AGBL4: variants seen among roughly 807,000 people sequenced by gnomAD.
AGBL4 encodes AGBL carboxypeptidase 4.
A neutral mutation model predicts 66.4 loss-of-function variants in AGBL4; 58 were observed. That is an observed-to-expected ratio of 0.87 (90% CI 0.71 to 1.09). AGBL4 has a LOEUF of 1.09. Among genes scored for constraint, AGBL4 ranks in the 50% least tolerant of loss-of-function variants. The pLI, the probability that AGBL4 is intolerant of heterozygous loss-of-function variation, is 0.00. For missense variants in AGBL4, 579 were observed against 631.0 expected, an observed-to-expected ratio of 0.92 and a Z score of 0.88; for synonymous variants, 234 against 222.9, an observed-to-expected ratio of 1.05 and a Z score of -0.44.
chr1:49,773,122 CG>C (rs1644108031), intron 2 of AGBL4, among the ~76,000 whole-genome samples: 2 of 152,038 alleles, frequency 1.3e-5, no homozygotes, highest in Admixed American at 6.6e-5. Context: ...ACATTGTTGA[CG>C]GTCTCCATTG....
rs1655954949 is a variant in AGBL4, at chr1:49,950,024, G to GTATATATATATACACACACACACACATA, written c.34+73738_34+73739insTATGTGTGTGTGTGTGTATATATATATA. Among the ~76,000 whole-genome samples, 5 of 86,040 alleles carry GTATATATATATACACACACACACACATA rather than the reference G, an allele frequency of 5.8e-5. 1 individual carries two copies. The highest frequency in any genetic ancestry group is 4.6e-4 in the South Asian group (1 of 2,164). The allele number at this position is 86,040 out of a possible 152,430, so 56.4% of individuals were successfully genotyped here. ...TATATATATATACACACACATATGTGTGTGTGTGTATATATATACACATAT... is the reference window on the plus strand; with the variant it reads ...TATATATATATACACACACATATGTGTATATATATATACACACACACACACATATGTGTGTGTATATATATACACATAT... On this transcript the variant is annotated intron_variant, in intron 1 of 13. Transcript: ENST00000371839.
intron 6 of AGBL4, among the ~76,000 whole-genome samples, chr1:48,671,184 A>G (rs1490378467): frequency 6.6e-6 from 1 of 152,260 alleles, no homozygotes; most frequent in African/African-American, 2.4e-5. Flanking sequence ...TGAGCAGTGC[A>G]TGCAGCATCT....
intron 3 of AGBL4, among the ~76,000 whole-genome samples, chr1:49,613,083 C>G (rs541303727): frequency 6.6e-6 from 1 of 152,248 alleles, no homozygotes; most frequent in East Asian, 1.9e-4. Context: ...TCTGCAGCAA[C>G]ATGGATGCAG....
At chr1:49,488,782 A>G (rs1311921753) in intron 3 of AGBL4, among the ~76,000 whole-genome samples, 1 of 151,886 alleles carries the variant, frequency 6.6e-6, no homozygotes, top group African/African-American at 2.4e-5. Flanking sequence ...TCCACAAATA[A>G]GTGAGAACAT....
At chr1:48,788,063 A>C (rs956380841) in intron 6 of AGBL4, among the ~76,000 whole-genome samples, 66 of 152,348 alleles carry the variant, frequency 4.3e-4, no homozygotes, top group African/African-American at 1.6e-3. Context: ...TTTTGGGCTC[A>C]ATTACTGCTT....
At chr1:48,676,519 G>T (rs984445064) in intron 6 of AGBL4, among the ~76,000 whole-genome samples, 1 of 152,244 alleles carries the variant, frequency 6.6e-6, no homozygotes, top group South Asian at 2.1e-4. Flanking sequence ...AAATGAGGTT[G>T]TATTTGTAAA....
At chr1:48,994,751 T>C (rs899931021) in intron 5 of AGBL4, among the ~76,000 whole-genome samples, 2 of 152,058 alleles carry the variant, frequency 1.3e-5, no homozygotes, top group Non-Finnish European at 2.9e-5. Context: ...TTATAGCATA[T>C]GGTTTATATA....
intron 6 of AGBL4, among the ~76,000 whole-genome samples, chr1:48,691,209 T>C (rs1646626770): frequency 6.7e-6 from 1 of 148,982 alleles, no homozygotes; most frequent in Non-Finnish European, 1.5e-5. Context: ...ATATTACATA[T>C]ATAGAAAATT....
intron 3 of AGBL4, among the ~76,000 whole-genome samples, chr1:49,596,341 T>A (rs1208096727): frequency 6.6e-6 from 1 of 152,152 alleles, no homozygotes; most frequent in Non-Finnish European, 1.5e-5. Flanking sequence ...AATTGATTCT[T>A]GTATTTTTTG....
chr1:49,171,435 C>G (rs960212551), intron 4 of AGBL4, among the ~76,000 whole-genome samples: 1 of 152,178 alleles, frequency 6.6e-6, no homozygotes, highest in Non-Finnish European at 1.5e-5. Context: ...CCAACCAAAA[C>G]ACTTCAGTTC....
chr1:48,718,540 T>C (rs1417081791), intron 6 of AGBL4, among the ~76,000 whole-genome samples: 1 of 152,124 alleles, frequency 6.6e-6, no homozygotes, highest in Non-Finnish European at 1.5e-5. Context: ...ATTCTTCATA[T>C]CCAGGGCCAG....
chr1:49,888,490 T>C (rs1395894471), intron 1 of AGBL4, among the ~76,000 whole-genome samples: 1 of 152,072 alleles, frequency 6.6e-6, no homozygotes, highest in African/African-American at 2.4e-5. Context: ...TTAGTGACAA[T>C]AACAAATTTG....
chr1:48,919,300 C>T (rs1465239818), intron 5 of AGBL4, among the ~76,000 whole-genome samples: 1 of 152,150 alleles, frequency 6.6e-6, no homozygotes, highest in Non-Finnish European at 1.5e-5. Context: ...GTTAAGGCTC[C>T]ATGGACCACA....
chr1:49,511,892 G>C (rs1482898165), intron 3 of AGBL4, among the ~76,000 whole-genome samples: 1 of 151,970 alleles, frequency 6.6e-6, no homozygotes, highest in South Asian at 2.1e-4. Context: ...TACTGTTAAT[G>C]TAACTTCAGA....
At chr1:49,830,456 T>C (rs1645637225) in intron 2 of AGBL4, among the ~76,000 whole-genome samples, 1 of 152,166 alleles carries the variant, frequency 6.6e-6, no homozygotes, top group African/African-American at 2.4e-5. Flanking sequence ...CACTTGCTCA[T>C]GGGGTTGTTT....
At chr1:49,335,717 A>G (rs533807611) in intron 3 of AGBL4, among the ~76,000 whole-genome samples, 28 of 152,162 alleles carry the variant, frequency 1.8e-4, no homozygotes, top group South Asian at 8.3e-4. Flanking sequence ...GGGTTTCACC[A>G]TGTTAGTCAG....
chr1:48,923,117 G>T (rs1425931047), intron 5 of AGBL4, among the ~76,000 whole-genome samples: 1 of 151,320 alleles, frequency 6.6e-6, no homozygotes, highest in African/African-American at 2.4e-5. Flanking sequence ...AATAATTATT[G>T]TATTATACAT....
intron 3 of AGBL4, among the ~76,000 whole-genome samples, chr1:49,278,665 G>A (rs1644219288): frequency 6.6e-6 from 1 of 152,092 alleles, no homozygotes; most frequent in Admixed American, 6.6e-5. Flanking sequence ...TCAGTATCCA[G>A]GCTATAACCA....
chr1:49,380,606 T>G (rs1206058560), intron 3 of AGBL4, among the ~76,000 whole-genome samples: 1 of 152,146 alleles, frequency 6.6e-6, no homozygotes, highest in African/African-American at 2.4e-5. Flanking sequence ...ACTACAAGGC[T>G]ATAGTAACCA....
Sources: gnomAD v4.1 joint callset for allele counts (sites outside exome capture counted in the v4.1 genomes callset) on GRCh38, gnomAD v4.1.1 for gene constraint, MANE v1.5 for transcripts, NCBI Gene and HGNC (gene_info 2026-07-23, HGNC 2026-07-21) for gene names.